LAMA3: variants seen among roughly 807,000 people sequenced by gnomAD.
LAMA3 encodes laminin subunit alpha-3.
Under a neutral mutation model 402.0 loss-of-function variants are expected in LAMA3, and 281 were observed. That is an observed-to-expected ratio of 0.70 (90% CI 0.63 to 0.77). LAMA3 has a LOEUF of 0.77. LAMA3 is among the 30% of genes least tolerant of loss of function. The pLI, the probability that LAMA3 is intolerant of heterozygous loss-of-function variation, is 0.00. For missense variants in LAMA3, 3,840 were observed against 4,215.5 expected (o/e 0.91, Z 2.47); for synonymous variants, 1,431 against 1,558.4 (o/e 0.92, Z 1.93).
chr18:23,808,407 G>T (rs1402894082), intron 12 of LAMA3, among the ~76,000 whole-genome samples: 2 of 151,540 alleles, frequency 1.3e-5, no homozygotes, highest in Non-Finnish European at 2.9e-5. Flanking sequence ...GAATATTTTT[G>T]ATCTGTGTTT....
Position 23,689,701 on chromosome 18 carries a change from G to C in LAMA3, c.18G>C (p.Arg6=). 1 of 1,332,514 alleles carries C rather than the reference G, an allele frequency of 7.5e-7. No individual in the cohort carries two copies. Among genetic ancestry groups the C allele is most frequent in the Non-Finnish European group, 9.5e-7 (1 of 1,048,012 alleles). 82.5% of individuals were successfully genotyped at this position (1,332,514 alleles called of 1,614,324 possible). The change falls in exon 1 of 75, where the codon CGG becomes CGC. Residue 6 remains arginine (R), a synonymous_variant. Coordinates refer to ENST00000313654, the MANE Select transcript of LAMA3 (RefSeq NM_198129.4). The part of the protein sequence containing the change: MAAAA[R]PRGRALGPVL... The stretch of plus-strand genomic sequence containing the variant: ...GCGGCTGGATGGCGGCGGCCGCGCG[G>C]CCTCGGGGTCGGGCACTGGGGCCAG...
Position 23,871,680 on chromosome 18 carries a change from C to A in LAMA3, c.4998+19C>A. On this transcript the variant is annotated intron_variant, in intron 38 of 74. Transcript: ENST00000313654. The stretch of plus-strand genomic sequence containing the variant: ...TTGTCAGGTAGGAAGTTTTCCCATC[C>A]GCAACATTTCCCTAGGGAGCTCCTG... 1 of 1,569,050 alleles carries A rather than the reference C, an allele frequency of 6.4e-7. No individual in the cohort carries two copies. Among genetic ancestry groups the A allele is most frequent in the Non-Finnish European group, 8.7e-7 (1 of 1,154,716 alleles).
intron 41 of LAMA3, among the ~76,000 whole-genome samples, chr18:23,885,188 C>T (rs1475535966): frequency 1.3e-5 from 2 of 150,502 alleles, no homozygotes; most frequent in Non-Finnish European, 3.0e-5. Flanking sequence ...TCTCTGCATA[C>T]CCCCTATTTC....
At chr18:23,828,525 A>G (rs949254952) in intron 23 of LAMA3, among the ~76,000 whole-genome samples, 1 of 152,172 alleles carries the variant, frequency 6.6e-6, no homozygotes, top group Non-Finnish European at 1.5e-5. Context: ...ATATAGGTGT[A>G]CATACATACA....
Position 23,901,198 on chromosome 18 carries a change from G to A in LAMA3, c.6076G>A (p.Asp2026Asn), listed in dbSNP as rs1202528764. Reference sequence around the variant, plus strand: ...CAATGGGCTTGCTAACAGTATCCGGGATTCTTTAAATGAATACGAAGCCAA... The same window carrying A: ...CAATGGGCTTGCTAACAGTATCCGGAATTCTTTAAATGAATACGAAGCCAA... ...ENNGLANSIR[D>N]SLNEYEAKLS... The change falls in exon 48 of 75, where the codon GAT becomes AAT. Residue 2026 changes from aspartate to asparagine, a missense_variant. Around this residue, in one of 3 missense-constraint regions of LAMA3, gnomAD observed 891 missense variants for 857.5 expected, o/e 1.04. Transcript: ENST00000313654. The A allele has an allele frequency of 1.2e-6, 2 of 1,614,090 alleles. No homozygotes were observed. The highest frequency in any genetic ancestry group is 2.7e-5 in the African/African-American group (2 of 74,930).
intron 12 of LAMA3, among the ~76,000 whole-genome samples, chr18:23,789,628 T>C (rs1338162442): frequency 1.3e-5 from 2 of 152,156 alleles, no homozygotes; most frequent in Non-Finnish European, 2.9e-5. Flanking sequence ...TTTATAGAGA[T>C]TGAAAGCAGA....
rs1463011956 is a variant in LAMA3 at position 23,881,951 on chromosome 18, A to T, written c.5128A>T (p.Thr1710Ser). Reference protein sequence around the residue: ...SGICVNCQHNTAGEHCERCQE... With the variant: ...SGICVNCQHNSAGEHCERCQE... ...CTGTCCCCAGAACTGTCAGCACAAC[A>T]CCGCGGGAGAGCACTGTGAACGCTG... is the stretch of plus-strand genomic sequence containing the variant. Residue 1710 changes from threonine (T) to serine (S), a missense_variant, in exon 40 of 75, where the codon ACC becomes TCC. Physicochemically the swap from Thr to Ser is moderately conservative, Grantham distance 58 (BLOSUM62 1). Around this residue, in one of 3 missense-constraint regions of LAMA3, gnomAD observed 2,109 missense variants for 2,376.0 expected, o/e 0.89. Coordinates refer to ENST00000313654, the MANE Select transcript of LAMA3 (RefSeq NM_198129.4). 1 of 1,613,342 alleles carries T rather than the reference A, an allele frequency of 6.2e-7. No homozygotes were observed. The highest frequency in any genetic ancestry group is 2.2e-5 in the East Asian group (1 of 44,892).
At position 23,899,237 on chromosome 18, in the gene LAMA3, C is replaced by T. The variant is rs367709716; in HGVS notation, c.5837-51C>T. On this transcript the variant is annotated intron_variant, in intron 46 of 74. Coordinates refer to ENST00000313654, the MANE Select transcript of LAMA3 (RefSeq NM_198129.4). ...TCTACCTTTTTTTTTTTTTAAGTAGCCTACTGGAGCCCAGAATTCCCAGTC... is the reference window on the plus strand; with the variant it reads ...TCTACCTTTTTTTTTTTTTAAGTAGTCTACTGGAGCCCAGAATTCCCAGTC... The T allele has an allele frequency of 4.6e-6, 7 of 1,507,994 alleles. No individual in the cohort carries two copies. In the African/African-American group the frequency reaches 9.7e-5, roughly 21 times the overall value. 93.4% of individuals were successfully genotyped at this position (1,507,994 alleles called of 1,614,324 possible). A position where few individuals can be genotyped will look rare whatever the true frequency, so the allele number is the denominator to read the frequency against.
chr18:23,783,191 A>G (rs771076709), intron 11 of LAMA3, among the ~76,000 whole-genome samples: 1 of 152,192 alleles, frequency 6.6e-6, no homozygotes, highest in Non-Finnish European at 1.5e-5. Context: ...CCTGGAGGGC[A>G]AGAATGGAAA....
intron 67 of LAMA3, 31 bp downstream of exon 67, chr18:23,933,966 C>G: frequency 6.2e-7 from 1 of 1,610,158 alleles, no homozygotes; most frequent in Non-Finnish European, 8.5e-7. Flanking sequence ...CTGGGTTTCC[C>G]TCTTCCCTGG....
chr18:23,824,275 AT>A, intron 20 of LAMA3, 147 bp from the exon 21 acceptor site: 1 of 794,150 alleles, frequency 1.3e-6, no homozygotes, highest in Admixed American at 2.0e-5. Flanking sequence ...GCATAGTACA[AT>A]TTTTAAAGAT....
intron 22 of LAMA3, 26 bp downstream of exon 22, chr18:23,826,825 C>T (rs377744745): frequency 3.6e-5 from 51 of 1,417,876 alleles, no homozygotes; most frequent in East Asian, 2.0e-4. Flanking sequence ...AAGGTGCAGC[C>T]GCATCATTGG....
intron 20 of LAMA3, among the ~76,000 whole-genome samples, chr18:23,822,647 T>C (rs1282182173): frequency 6.6e-6 from 1 of 152,268 alleles, no homozygotes; most frequent in Admixed American, 6.5e-5. Context: ...GGTTATGATG[T>C]CTTCACTGAG....
intron 19 of LAMA3, among the ~76,000 whole-genome samples, chr18:23,821,407 C>T (rs1401136647): frequency 6.6e-6 from 1 of 152,168 alleles, no homozygotes; most frequent in Non-Finnish European, 1.5e-5. Context: ...TTTATTGTCA[C>T]CAATATCTCG....
Position 23,861,701 on chromosome 18 carries a change from T to A in LAMA3, c.4478T>A (p.Val1493Asp). Residue 1493 changes from valine to aspartate, a missense_variant, in exon 35 of 75, where the codon GTC (valine) becomes GAC (aspartate). Transcript: ENST00000313654. Reference sequence around the variant, plus strand: ...ACAGCAGACAGAGTGGACATCCCTGTCTCTTTCAACCCAGGCAGCAACAGT... The same window carrying A: ...ACAGCAGACAGAGTGGACATCCCTGACTCTTTCAACCCAGGCAGCAACAGT... ...LETADRVDIP[V>D]SFNPGSNSMV... 6.2e-7 allele frequency: 1 copy of A among 1,614,126 alleles called. No homozygotes were observed. The highest frequency in any genetic ancestry group is 8.5e-7 in the Non-Finnish European group (1 of 1,180,018).
At chr18:23,833,469 C>T (rs575569210) in intron 23 of LAMA3, among the ~76,000 whole-genome samples, 2 of 152,188 alleles carry the variant, frequency 1.3e-5, no homozygotes, top group East Asian at 3.9e-4. Flanking sequence ...ATTTTTACTT[C>T]AAGTTTTAGA....
At chr18:23,915,205 G>A in intron 58 of LAMA3, 84 bp from the exon 59 acceptor site, 7 of 1,444,914 alleles carry the variant, frequency 4.8e-6, no homozygotes, top group Non-Finnish European at 6.8e-6. Context: ...TTATGCCATA[G>A]TGACTGTTAA....
intron 72 of LAMA3, among the ~76,000 whole-genome samples, chr18:23,951,329 T>C (rs2082900212): frequency 6.6e-6 from 1 of 152,196 alleles, no homozygotes; most frequent in African/African-American, 2.4e-5. Flanking sequence ...ATCTCACATA[T>C]CCTTCCATAC....
intron 2 of LAMA3, among the ~76,000 whole-genome samples, chr18:23,714,564 G>A (rs2061060873): frequency 6.6e-6 from 1 of 152,110 alleles, no homozygotes; most frequent in Non-Finnish European, 1.5e-5. Context: ...CTGGCAGCAT[G>A]CAGATAGATG....
Sources: allele counts gnomAD v4.1 joint callset (sites outside exome capture counted in the v4.1 genomes callset), GRCh38; gene constraint gnomAD v4.1.1; regional missense constraint gnomAD v4.1.1; transcripts MANE v1.5; gene names NCBI Gene and HGNC (gene_info 2026-07-23, HGNC 2026-07-21).